DYNC1H1: variants seen among roughly 807,000 people sequenced by gnomAD.
The protein encoded by DYNC1H1 is dynein cytoplasmic 1 heavy chain 1.
In DYNC1H1, 51 loss-of-function variants were observed where a neutral mutation model predicts 527.1. That is an observed-to-expected ratio of 0.10 (90% confidence interval 0.08 to 0.12). The LOEUF (loss-of-function observed/expected upper bound fraction) is 0.12, where lower values mean the gene tolerates loss of function less well. Among genes scored for constraint, DYNC1H1 ranks in the 10% least tolerant of loss-of-function variants. The pLI, the probability that DYNC1H1 is intolerant of heterozygous loss-of-function variation, is 1.00. For missense variants in DYNC1H1, 2,771 were observed against 5,971.8 expected (o/e 0.46, Z 17.66); for synonymous variants, 2,189 against 2,278.8 (o/e 0.96, Z 1.12).
At position 102,050,686 on chromosome 14, in the gene DYNC1H1, T is replaced by G. The variant is rs553637804; in HGVS notation, c.*123T>G. 2.4e-4 allele frequency: 353 copies of G among 1,495,910 alleles called. 1 individual carries two copies. The South Asian group carries it at 2.4e-3, about 10-fold the overall frequency. 92.7% of individuals were successfully genotyped at this position (1,495,910 alleles called of 1,614,324 possible). ...TGGTTGGTCTGAGGTTGGAGGAAGC[T>G]GAATGGAATCTGACGGTTGGGAGTG... On this transcript the variant is annotated 3_prime_UTR_variant, in exon 78 of 78. Transcript: ENST00000360184.
chr14:102,004,446 T>G (rs1425564741), intron 23 of DYNC1H1, 72 bp from the exon 24 acceptor site: 1 of 1,504,890 alleles, frequency 6.6e-7, no homozygotes, highest in Non-Finnish European at 9.0e-7. Flanking sequence ...TCCTGCAGTT[T>G]GAAATCTTAC....
rs1455461755 is a variant in DYNC1H1, at chr14:102,020,800, TG to T, written c.8507+746del. ...CTTAAGTGTTTGGCAGCTGTGCCTC[TG>T]GACCAGGTGTCATCCTGCAGTTTTT... On this transcript the variant is annotated intron_variant, in intron 42 of 77. Coordinates refer to ENST00000360184, the MANE Select transcript of DYNC1H1 (RefSeq NM_001376.5). The surrounding 1 kb of genome is among the most constrained non-coding windows in gnomAD (Gnocchi z 4.3). Among the ~76,000 whole-genome samples the T allele has an allele frequency of 6.6e-6, 1 of 152,246 alleles. No homozygotes were observed. The highest frequency in any genetic ancestry group is 1.5e-5 in the Non-Finnish European group (1 of 68,046).
At position 102,056,419 on chromosome 14, in the gene DYNC1H1, C is replaced by G. The variant is rs908827120; in HGVS notation, c.*5856C>G. On this transcript the variant is annotated 3_prime_UTR_variant, in exon 78 of 78. Coordinates refer to ENST00000360184, the MANE Select transcript of DYNC1H1 (RefSeq NM_001376.5). Reference sequence around the variant, plus strand: ...GATGGTAACTTGCCGATGCTCCCAGCTGAATAAAGCCCTTCCTTCTACAAC... The same window carrying G: ...GATGGTAACTTGCCGATGCTCCCAGGTGAATAAAGCCCTTCCTTCTACAAC... 1 of 152,210 alleles carries G rather than the reference C, an allele frequency of 6.6e-6. No homozygotes were observed. Among genetic ancestry groups the G allele is most frequent in the Non-Finnish European group, 1.5e-5 (1 of 68,046 alleles). 9.4% of individuals were successfully genotyped at this position (152,210 alleles called of 1,614,324 possible). A position where few individuals can be genotyped will look rare whatever the true frequency, so the allele number is the denominator to read the frequency against.
At chr14:102,035,340 C>T (rs574261215) in intron 56 of DYNC1H1, 1 of 152,348 alleles carries the variant, frequency 6.6e-6, no homozygotes, top group South Asian at 2.1e-4. Flanking sequence ...GGAAGTACTA[C>T]CTGTTTTTCT....
Position 102,012,246 on chromosome 14 carries a change from T to C in DYNC1H1, c.6858-68T>C. ...TTAAAGGTCATTTCAGAAACCATCATCGGTAAACATGCCTAATGTTAAAAT... is the reference window on the plus strand; with the variant it reads ...TTAAAGGTCATTTCAGAAACCATCACCGGTAAACATGCCTAATGTTAAAAT... On this transcript the variant is annotated intron_variant, in intron 33 of 77. Coordinates refer to ENST00000360184, the MANE Select transcript of DYNC1H1 (RefSeq NM_001376.5). The surrounding 1 kb of genome is among the most constrained non-coding windows in gnomAD (Gnocchi z 4.9). 1.2e-6 allele frequency: 2 copies of C among 1,613,324 alleles called. No individual in the cohort carries two copies. The highest frequency in any genetic ancestry group is 1.7e-6 in the Non-Finnish European group (2 of 1,179,356).
rs1165303368 is a variant in DYNC1H1 at position 102,011,844 on chromosome 14, G to A, written c.6619-31G>A. The A allele has an allele frequency of 1.9e-6, 3 of 1,610,046 alleles. No individual in the cohort carries two copies. Among genetic ancestry groups the A allele is most frequent in the South Asian group, 1.1e-5 (1 of 90,986 alleles). Reference sequence around the variant, plus strand: ...GCTGTCCCCATTCCTCCTCTGGGATGGTCACTGTGCTGGTCTGTTGGGCCC... The same window carrying A: ...GCTGTCCCCATTCCTCCTCTGGGATAGTCACTGTGCTGGTCTGTTGGGCCC... On this transcript the variant is annotated intron_variant, in intron 32 of 77. Coordinates refer to ENST00000360184, the MANE Select transcript of DYNC1H1 (RefSeq NM_001376.5). The surrounding 1 kb of genome is among the most constrained non-coding windows in gnomAD (Gnocchi z 5.3).
At position 102,032,442 on chromosome 14, in the gene DYNC1H1, G is replaced by A. The variant is rs368045189; in HGVS notation, c.10054G>A (p.Val3352Ile). The change falls in exon 52 of 78, where the codon GTC (valine) becomes ATC (isoleucine). Residue 3352 changes from valine (V) to isoleucine (I), a missense_variant. Val to Ile is a conservative substitution (Grantham distance 29). This residue lies in a region of DYNC1H1 where 283 missense variants were observed against 737.6 expected (regional missense o/e 0.38). Transcript: ENST00000360184. ...IMRENFIPTI[V>I]NFSAEEISDA... ...GCGGGAGAACTTCATCCCCACCATC[G>A]TCAACTTCTCTGCAGAGGAGATCAG... 1.2e-6 allele frequency: 2 copies of A among 1,614,162 alleles called. No individual in the cohort carries two copies. Among genetic ancestry groups the A allele is most frequent in the South Asian group, 1.1e-5 (1 of 91,088 alleles).
intron 5 of DYNC1H1, among the ~76,000 whole-genome samples, chr14:101,982,170 A>G (rs2047875019): frequency 6.6e-6 from 1 of 152,182 alleles, no homozygotes; most frequent in Non-Finnish European, 1.5e-5. Flanking sequence ...TGCACTCCTT[A>G]TGAGAATCTA....
rs1232919238 is a variant in DYNC1H1 at position 101,979,884 on chromosome 14, A to C, written c.684A>C (p.Lys228Asn). ...KQCYERGEKP[K>N]VTDFGDKVED... ...GTTATGAGCGTGGAGAAAAGCCAAA[A>C]GTTACAGACTTTGGTGATAAGGTTG... Residue 228 changes from lysine to asparagine, a missense_variant, in exon 4 of 78, where the codon AAA becomes AAC. Coordinates refer to ENST00000360184, the MANE Select transcript of DYNC1H1 (RefSeq NM_001376.5). The surrounding 1 kb of genome is among the most constrained non-coding windows in gnomAD (Gnocchi z 4.6). The C allele has an allele frequency of 6.2e-7, 1 of 1,614,246 alleles. No homozygotes were observed. The highest frequency in any genetic ancestry group is 8.5e-7 in the Non-Finnish European group (1 of 1,180,038).
rs1333350891 is a variant in DYNC1H1 at position 102,042,100 on chromosome 14, A to G, written c.12190A>G (p.Thr4064Ala). Residue 4064 changes from threonine to alanine, a missense_variant, in exon 66 of 78, where the codon ACG (threonine) becomes GCG (alanine). Transcript: ENST00000360184. The surrounding 1 kb of genome is among the most constrained non-coding windows in gnomAD (Gnocchi z 5.7). ...CGAGGACCTTGCAGCCGAGCAGAAC[A>G]CGCAGATCACTTCAATTGCAATCGG... ...HVEDLAAEQN[T>A]QITSIAIGSA... The G allele has an allele frequency of 6.2e-7, 1 of 1,614,080 alleles. No individual in the cohort carries two copies. The highest frequency in any genetic ancestry group is 8.5e-7 in the Non-Finnish European group (1 of 1,180,006).
Position 102,038,209 on chromosome 14 carries a change from C to T in DYNC1H1, c.10909-251C>T, listed in dbSNP as rs936199041. On this transcript the variant is annotated intron_variant, in intron 57 of 77. Transcript: ENST00000360184. This position sits in a 1 kb window ranked among gnomAD's most constrained non-coding sequence, Gnocchi z 7.2. ...GGCCAGTCTGGTCTCGAACTCCTGA[C>T]CTCAAGTGATCTGCCTGCCTCAGCC... 1 of 526,596 alleles carries T rather than the reference C, an allele frequency of 1.9e-6. No homozygotes were observed. The highest frequency in any genetic ancestry group is 1.9e-5 in the African/African-American group (1 of 52,554). 32.6% of individuals were successfully genotyped at this position (526,596 alleles called of 1,614,324 possible). A position where few individuals can be genotyped will look rare whatever the true frequency, so the allele number is the denominator to read the frequency against.
At position 102,051,232 on chromosome 14, in the gene DYNC1H1, G is replaced by A. The variant is rs1367329499; in HGVS notation, c.*669G>A. 1 of 155,734 alleles carries A rather than the reference G, an allele frequency of 6.4e-6. No individual in the cohort carries two copies. The highest frequency in any genetic ancestry group is 2.5e-5 in the African/African-American group (1 of 40,536). The allele number at this position is 155,734 out of a possible 1,614,324, so 9.6% of individuals were successfully genotyped here. A position where few individuals can be genotyped will look rare whatever the true frequency, so the allele number is the denominator to read the frequency against. ...GATCTCACCACTGCACTCCAGCCTG[G>A]GTGACAGAGCAAGACCCTGTCTCAA... On this transcript the variant is annotated 3_prime_UTR_variant, in exon 78 of 78. Transcript: ENST00000360184.
At chr14:101,991,301 C>T (rs932933827) in intron 10 of DYNC1H1, among the ~76,000 whole-genome samples, 3 of 152,076 alleles carry the variant, frequency 2.0e-5, no homozygotes, top group African/African-American at 7.2e-5. Context: ...TGCTGAAACC[C>T]GTCTCTACTA....
intron 64 of DYNC1H1, 123 bp downstream of exon 64, chr14:102,040,796 CA>C: frequency 2.5e-6 from 3 of 1,211,554 alleles, no homozygotes; most frequent in Non-Finnish European, 3.6e-6. Context: ...CCCATCTCTA[CA>C]AAAAATAAAA....
Position 102,000,407 on chromosome 14 carries a change from A to G in DYNC1H1, c.4074+8A>G, listed in dbSNP as rs1234075410. The G allele has an allele frequency of 6.2e-7, 1 of 1,606,592 alleles. No homozygotes were observed. The highest frequency in any genetic ancestry group is 8.5e-7 in the Non-Finnish European group (1 of 1,173,134). ...TCAGTACAGCCTCGAAAGGTATATC[A>G]TGAAATCGGTGTTTGTGTACGTCTA... On this transcript the variant is annotated splice_region_variant and intron_variant, in intron 18 of 77. Coordinates refer to ENST00000360184, the MANE Select transcript of DYNC1H1 (RefSeq NM_001376.5).
In DYNC1H1 at chr14:102,044,103, G is replaced by C; in HGVS notation, c.12684+58G>C. On this transcript the variant is annotated intron_variant, in intron 70 of 77. Transcript: ENST00000360184. This position sits in a 1 kb window ranked among gnomAD's most constrained non-coding sequence, Gnocchi z 7.1. Reference sequence around the variant, plus strand: ...ACGTGTATCTGGGAAGGATGCTGCAGGGCGTGGTGCTGAGAGGCCAGACTC... The same window carrying C: ...ACGTGTATCTGGGAAGGATGCTGCACGGCGTGGTGCTGAGAGGCCAGACTC... The C allele has an allele frequency of 6.2e-7, 1 of 1,604,814 alleles. No individual in the cohort carries two copies. The highest frequency in any genetic ancestry group is 8.5e-7 in the Non-Finnish European group (1 of 1,178,334).
intron 43 of DYNC1H1, among the ~76,000 whole-genome samples, chr14:102,024,228 G>A (rs1428127815): frequency 6.6e-6 from 1 of 152,238 alleles, no homozygotes; most frequent in Non-Finnish European, 1.5e-5. Context: ...ATGCTAAAAT[G>A]CTAGATGGAG....
At position 102,050,619 on chromosome 14, in the gene DYNC1H1, AT is replaced by A. The variant is rs986662396; in HGVS notation, c.*61del. On this transcript the variant is annotated 3_prime_UTR_variant, in exon 78 of 78. Transcript: ENST00000360184. ...GAAAGTTGGTATTTAACATTTATTC[AT>A]TTTTAAAATATTTGGAAGGTCTGAG... 1 of 1,613,382 alleles carries A rather than the reference AT, an allele frequency of 6.2e-7. No homozygotes were observed. The highest frequency in any genetic ancestry group is 8.5e-7 in the Non-Finnish European group (1 of 1,179,462).
At chr14:102,021,656 C>CTTTTTTTTTTTTTTTTTTTT (rs757880988) in intron 42 of DYNC1H1, among the ~76,000 whole-genome samples, 1 of 119,840 alleles carries the variant, frequency 8.3e-6, no homozygotes, top group Non-Finnish European at 1.7e-5. Context: ...TTTTCTTTTT[C>CTTTTTTTTTTTTTTTTTTTT]TTTTTTTTTT....
Sources: allele counts gnomAD v4.1 joint callset (sites outside exome capture counted in the v4.1 genomes callset), GRCh38; gene constraint gnomAD v4.1.1; regional missense constraint gnomAD v4.1.1; non-coding constraint Gnocchi (gnomAD v3.1); transcripts MANE v1.5; gene names NCBI Gene and HGNC (gene_info 2026-07-23, HGNC 2026-07-21).